Variants in SHC4 observed in about 807,000 individuals in gnomAD.
The protein encoded by SHC4 is SHC adaptor protein 4.
A neutral mutation model predicts 69.4 loss-of-function variants in SHC4; 41 were observed. The ratio of observed to expected loss-of-function variants is 0.59; its 90% CI spans 0.46 to 0.77. The LOEUF (loss-of-function observed/expected upper bound fraction) is 0.77. Ranked by LOEUF, SHC4 falls within the 30% of genes least tolerant of loss-of-function variation. The pLI, the probability that SHC4 is intolerant of heterozygous loss-of-function variation, is 0.00. For synonymous variants in SHC4, 318 were observed against 299.3 expected (o/e 1.06, Z -0.64); for missense variants, 777 against 783.8 (o/e 0.99, Z 0.10).
intron 1 of SHC4, among the ~76,000 whole-genome samples, chr15:48,927,691 A>T (rs1379756580): frequency 6.6e-6 from 1 of 150,644 alleles, no homozygotes; most frequent in Non-Finnish European, 1.5e-5. Context: ...CCTCCTTTCT[A>T]CTCCTCAAAT....
At chr15:48,842,185 T>C (rs1396536574) in intron 10 of SHC4, among the ~76,000 whole-genome samples, 2 of 152,228 alleles carry the variant, frequency 1.3e-5, no homozygotes, top group African/African-American at 4.8e-5. Context: ...TTTATGATAG[T>C]AATTTGGCAG....
intron 11 of SHC4, among the ~76,000 whole-genome samples, chr15:48,833,092 T>C (rs1166752773): frequency 6.6e-6 from 1 of 152,192 alleles, no homozygotes; most frequent in Non-Finnish European, 1.5e-5. Flanking sequence ...CTGATTCTTT[T>C]TGAGTTTCAT....
chr15:48,902,592 C>T (rs1233683136), intron 2 of SHC4, among the ~76,000 whole-genome samples: 3 of 152,122 alleles, frequency 2.0e-5, no homozygotes, highest in Non-Finnish European at 4.4e-5. Flanking sequence ...GAGTTCCTTA[C>T]ACAGAAATTG....
intron 2 of SHC4, among the ~76,000 whole-genome samples, chr15:48,902,892 T>C (rs1051534425): frequency 3.9e-5 from 6 of 152,182 alleles, no homozygotes; most frequent in African/African-American, 1.4e-4. Flanking sequence ...TCTCAGAACA[T>C]GTTTCAATAT....
intron 1 of SHC4, among the ~76,000 whole-genome samples, chr15:48,935,105 A>T (rs1901042300): frequency 6.6e-6 from 1 of 152,254 alleles, no homozygotes; most frequent in Admixed American, 6.5e-5. Context: ...ATCAATTACC[A>T]AGAAGCAACA....
chr15:48,916,970 G>A (rs1900635023), intron 2 of SHC4, among the ~76,000 whole-genome samples: 1 of 152,172 alleles, frequency 6.6e-6, no homozygotes, highest in Admixed American at 6.5e-5. Context: ...ATGTACTGTG[G>A]TGATGAAATA....
In SHC4 at chr15:48,842,923, C is replaced by A. The variant is rs114773615; in HGVS notation, c.1483+486G>T. Among the ~76,000 whole-genome samples the A allele has an allele frequency of 4.5e-3, 688 of 151,998 alleles. 4 individuals are homozygous for A. Among genetic ancestry groups the A allele is most frequent in the African/African-American group, 0.016 (656 of 41,458 alleles). On this transcript the variant is annotated intron_variant, in intron 10 of 11. Transcript: ENST00000332408. ...CCCAGCCTGGGTGACAGAATGAGACCCTGCTTCAGAAAAAAAAAGAAAAGA... is the reference window on the plus strand; with the variant it reads ...CCCAGCCTGGGTGACAGAATGAGACACTGCTTCAGAAAAAAAAAGAAAAGA...
chr15:48,905,521 A>G (rs1455444741), intron 2 of SHC4, among the ~76,000 whole-genome samples: 6 of 152,220 alleles, frequency 3.9e-5, no homozygotes, highest in Non-Finnish European at 5.9e-5. Context: ...TGGCCACTGT[A>G]TCTATCAAAA....
chr15:48,909,734 T>G (rs1429098164), intron 2 of SHC4, among the ~76,000 whole-genome samples: 1 of 152,216 alleles, frequency 6.6e-6, no homozygotes, highest in Non-Finnish European at 1.5e-5. Flanking sequence ...GTCCTTTGTA[T>G]GCCAATTTTG....
intron 4 of SHC4, chr15:48,876,544 T>G: frequency 3.0e-6 from 2 of 661,262 alleles, no homozygotes; most frequent in Non-Finnish European, 5.5e-6. Context: ...AAGTATTAAC[T>G]CACATGATCA....
At chr15:48,959,654 C>G (rs1223437030) in intron 1 of SHC4, among the ~76,000 whole-genome samples, 1 of 152,190 alleles carries the variant, frequency 6.6e-6, no homozygotes, top group Non-Finnish European at 1.5e-5. Context: ...TCCATTATTA[C>G]CAAGCAAGGT....
At chr15:48,930,319 TC>T (rs1207460005) in intron 1 of SHC4, among the ~76,000 whole-genome samples, 2 of 152,232 alleles carry the variant, frequency 1.3e-5, no homozygotes, top group Non-Finnish European at 2.9e-5. Context: ...TGAGCAAAGC[TC>T]ACTACTTCAT....
intron 2 of SHC4, among the ~76,000 whole-genome samples, chr15:48,893,000 T>C (rs979118131): frequency 6.6e-6 from 1 of 152,212 alleles, no homozygotes; most frequent in African/African-American, 2.4e-5. Context: ...TAGTAACTTT[T>C]TACTAGAAGT....
chr15:48,909,739 A>G (rs181795251), intron 2 of SHC4, among the ~76,000 whole-genome samples: 2 of 152,258 alleles, frequency 1.3e-5, no homozygotes. Flanking sequence ...TTGTATGCCA[A>G]TTTTGCTGAG....
Position 48,847,235 on chromosome 15 carries a change from G to A in SHC4, c.1304-3647C>T, listed in dbSNP as rs575680851. Among the ~76,000 whole-genome samples the A allele has an allele frequency of 1.3e-5, 2 of 152,172 alleles. 1 individual carries two copies. The highest frequency in any genetic ancestry group is 3.9e-4 in the East Asian group (2 of 5,180). On this transcript the variant is annotated intron_variant, in intron 9 of 11. Coordinates refer to ENST00000332408, the MANE Select transcript of SHC4 (RefSeq NM_203349.4). ...TTCCAGCTTTCCTAAGAGAAGATTTGTAGAGGAAAATAAATATATACACAG... is the reference window on the plus strand; with the variant it reads ...TTCCAGCTTTCCTAAGAGAAGATTTATAGAGGAAAATAAATATATACACAG...
intron 8 of SHC4, among the ~76,000 whole-genome samples, chr15:48,855,303 G>A (rs1221658100): frequency 6.6e-6 from 1 of 152,086 alleles, no homozygotes; most frequent in Non-Finnish European, 1.5e-5. Context: ...ACAGAATACT[G>A]AAGAAGGAAA....
chr15:48,946,497 C>G, intron 1 of SHC4: 2 of 805,034 alleles, frequency 2.5e-6, no homozygotes, highest in Non-Finnish European at 3.0e-6. Flanking sequence ...CCCCTTTCCT[C>G]TCCCTCTCCT....
chr15:48,894,585 C>T (rs142718642), intron 2 of SHC4, among the ~76,000 whole-genome samples: 3 of 152,220 alleles, frequency 2.0e-5, no homozygotes, highest in Admixed American at 6.5e-5. Flanking sequence ...TAGCTTTTAA[C>T]CCCTCCATCT....
chr15:48,914,323 C>G (rs976267996), intron 2 of SHC4, among the ~76,000 whole-genome samples: 3 of 152,188 alleles, frequency 2.0e-5, no homozygotes, highest in African/African-American at 4.8e-5. Flanking sequence ...GGGTTTGAGT[C>G]CCTGCAAAAC....
Sources: gnomAD v4.1 joint callset for allele counts (sites outside exome capture counted in the v4.1 genomes callset) on GRCh38, gnomAD v4.1.1 for gene constraint, MANE v1.5 for transcripts, NCBI Gene and HGNC (gene_info 2026-07-23, HGNC 2026-07-21) for gene names.